Variants in PPP1R9A observed in about 807,000 individuals in gnomAD.
PPP1R9A encodes the protein protein phosphatase 1 regulatory subunit 9A.
Under a neutral mutation model 141.9 loss-of-function variants are expected in PPP1R9A, and 59 were observed. The observed-to-expected ratio is 0.42, with a 90% CI of 0.34 to 0.52. The LOEUF (loss-of-function observed/expected upper bound fraction) is 0.52, where lower values mean the gene tolerates loss of function less well. PPP1R9A is among the 20% of genes least tolerant of loss of function. The probability of loss-of-function intolerance (pLI) is 0.10; values close to 1 mark genes in which losing one functional copy is unlikely to be tolerated. For missense variants in PPP1R9A, 1,444 were observed against 1,611.9 expected (o/e 0.90, Z 1.78); for synonymous variants, 500 against 569.7 (o/e 0.88, Z 1.74).
Position 95,248,364 on chromosome 7 carries a change from A to G in PPP1R9A, c.2166+838A>G, listed in dbSNP as rs1382650042. On this transcript the variant is annotated intron_variant, in intron 9 of 19. Coordinates refer to ENST00000433360, the MANE Select transcript of PPP1R9A (RefSeq NM_001166160.2). ...TGGTTTCTCCGTGTGTTTTAAATGG[A>G]GATGAATTAGCAAGGCTATTTTGGT... Among the ~76,000 whole-genome samples, 6 of 147,752 alleles carry G rather than the reference A, an allele frequency of 4.1e-5. No individual in the cohort carries two copies. The Admixed American group carries it at 4.1e-4, about 10-fold the overall frequency.
intron 2 of PPP1R9A, among the ~76,000 whole-genome samples, chr7:95,082,319 G>T (rs775891864): frequency 6.6e-6 from 1 of 152,200 alleles, no homozygotes; most frequent in African/African-American, 2.4e-5. Flanking sequence ...ACATGCATGT[G>T]TAGAGCTGTG....
At chr7:95,087,091 G>C (rs920413693) in intron 2 of PPP1R9A, among the ~76,000 whole-genome samples, 1 of 151,816 alleles carries the variant, frequency 6.6e-6, no homozygotes, top group Admixed American at 6.6e-5. Flanking sequence ...AAAGCATAAG[G>C]CTGACCCATT....
At chr7:95,126,040 C>G (rs148967913) in intron 4 of PPP1R9A, among the ~76,000 whole-genome samples, 1 of 152,148 alleles carries the variant, frequency 6.6e-6, no homozygotes, top group Non-Finnish European at 1.5e-5. Context: ...CACACACTCT[C>G]ATGTTAGTCT....
intron 3 of PPP1R9A, among the ~76,000 whole-genome samples, chr7:95,112,807 T>A (rs145707315): frequency 2.9e-4 from 44 of 152,240 alleles, no homozygotes; most frequent in Middle Eastern, 6.8e-3. Flanking sequence ...TATCCCTACA[T>A]GAAATAACTC....
chr7:95,072,818 A>T (rs13309700), intron 2 of PPP1R9A, among the ~76,000 whole-genome samples: 1 of 66,732 alleles, frequency 1.5e-5, no homozygotes, highest in Non-Finnish European at 2.7e-5. Flanking sequence ...TATATATAAT[A>T]ATTATTATAT....
At chr7:95,228,428 T>A (rs1217806631) in intron 8 of PPP1R9A, among the ~76,000 whole-genome samples, 1 of 152,180 alleles carries the variant, frequency 6.6e-6, no homozygotes, top group Non-Finnish European at 1.5e-5. Context: ...CCAACAAAAG[T>A]TGGCTAGCCC....
intron 6 of PPP1R9A, chr7:95,202,583 G>T: frequency 3.3e-6 from 3 of 907,464 alleles, no homozygotes; most frequent in Non-Finnish European, 3.9e-6. Flanking sequence ...TGCCATGGAG[G>T]ATTTCAATAA....
chr7:95,114,823 A>G (rs1442577838), intron 3 of PPP1R9A, among the ~76,000 whole-genome samples: 1 of 151,488 alleles, frequency 6.6e-6, no homozygotes, highest in Non-Finnish European at 1.5e-5. Context: ...TAGATGTTTG[A>G]TTGAAGAGAA....
intron 3 of PPP1R9A, among the ~76,000 whole-genome samples, chr7:95,113,786 A>G (rs190820087): frequency 5.9e-5 from 9 of 152,300 alleles, no homozygotes; most frequent in East Asian, 5.8e-4. Context: ...TCACTGTCCA[A>G]TTTAGCAGGG....
Position 95,181,268 on chromosome 7 carries a change from G to C in PPP1R9A, c.1755-17081G>C, listed in dbSNP as rs1342380664. ...ATAGAGAATATATATAGAATATATA[G>C]GGAGAATATATATTCCATCATATAT... On this transcript the variant is annotated intron_variant, in intron 5 of 19. Transcript: ENST00000433360. Among the ~76,000 whole-genome samples the C allele has an allele frequency of 6.4e-5, 9 of 140,088 alleles. No homozygotes were observed. In the East Asian group the frequency reaches 1.8e-3, roughly 28 times the overall value. 91.9% of individuals were successfully genotyped at this position (140,088 alleles called of 152,430 possible).
At chr7:95,270,585 T>C (rs1032350669) in intron 14 of PPP1R9A, among the ~76,000 whole-genome samples, 1 of 152,186 alleles carries the variant, frequency 6.6e-6, no homozygotes, top group Middle Eastern at 3.2e-3. Context: ...TCTAGAGATT[T>C]GTAAAACAGG....
intron 5 of PPP1R9A, among the ~76,000 whole-genome samples, chr7:95,188,547 T>C (rs1313738542): frequency 1.7e-5 from 2 of 117,296 alleles, no homozygotes; most frequent in South Asian, 2.7e-4. Context: ...CTGAATACTT[T>C]GTTTGTTTGT....
intron 7 of PPP1R9A, chr7:95,214,088 T>G (rs1455355787): frequency 1.3e-5 from 2 of 152,268 alleles, no homozygotes; most frequent in Non-Finnish European, 2.9e-5. Context: ...CCCTGTTTTT[T>G]TCTGTATTTG....
chr7:94,968,332 C>T (rs1273446096), intron 2 of PPP1R9A, among the ~76,000 whole-genome samples: 2 of 151,890 alleles, frequency 1.3e-5, no homozygotes, highest in African/African-American at 2.4e-5. Context: ...GCCACTACGC[C>T]CGGCTAATTT....
rs888093375 is a variant in PPP1R9A at position 95,089,516 on chromosome 7, C to A, written c.1396-21743C>A. Among the ~76,000 whole-genome samples the A allele has an allele frequency of 2.0e-5, 3 of 152,000 alleles. 1 individual carries two copies. The highest frequency in any genetic ancestry group is 7.3e-5 in the African/African-American group (3 of 41,306). On this transcript the variant is annotated intron_variant, in intron 2 of 19. Transcript: ENST00000433360. ...TAGACCAGATATGGCAAATACGTTT[C>A]TTTTGTCCTTCCCTTAAATTGATCT...
rs896814463 is a variant in PPP1R9A at position 94,907,675 on chromosome 7, G to C, written c.-244G>C. The C allele has an allele frequency of 6.6e-6, 1 of 152,090 alleles. No individual in the cohort carries two copies. Among genetic ancestry groups the C allele is most frequent in the South Asian group, 2.1e-4 (1 of 4,826 alleles). The allele number at this position is 152,090 out of a possible 1,614,324, so 9.4% of individuals were successfully genotyped here. A position where few individuals can be genotyped will look rare whatever the true frequency, so the allele number is the denominator to read the frequency against. On this transcript the variant is annotated 5_prime_UTR_variant, in exon 1 of 20. Coordinates refer to ENST00000433360, the MANE Select transcript of PPP1R9A (RefSeq NM_001166160.2). ...TTGCTGCCGGGCTCCCTCTCTCTGCGGCCCTAGAGTTAATCCCATCAGCCG... is the reference window on the plus strand; with the variant it reads ...TTGCTGCCGGGCTCCCTCTCTCTGCCGCCCTAGAGTTAATCCCATCAGCCG...
chr7:95,103,525 G>A (rs966407133), intron 2 of PPP1R9A, among the ~76,000 whole-genome samples: 18 of 151,766 alleles, frequency 1.2e-4, no homozygotes, highest in East Asian at 1.9e-4. Flanking sequence ...CTGCCATCAC[G>A]CCCAGCTAAT....
At chr7:95,204,782 CCA>C (rs1017475779) in intron 7 of PPP1R9A, among the ~76,000 whole-genome samples, 2 of 143,006 alleles carry the variant, frequency 1.4e-5, no homozygotes, top group Non-Finnish European at 3.1e-5. Flanking sequence ...CACACACACA[CCA>C]CACACACACC....
At chr7:94,972,173 C>G (rs1303135667) in intron 2 of PPP1R9A, among the ~76,000 whole-genome samples, 1 of 152,030 alleles carries the variant, frequency 6.6e-6, no homozygotes, top group Non-Finnish European at 1.5e-5. Context: ...TTTCATACAA[C>G]CTTGGTATTG....
Sources: allele counts gnomAD v4.1 joint callset (sites outside exome capture counted in the v4.1 genomes callset), GRCh38; gene constraint gnomAD v4.1.1; transcripts MANE v1.5; gene names NCBI Gene and HGNC (gene_info 2026-07-23, HGNC 2026-07-21).